Variants in TPTE observed in about 807,000 individuals in gnomAD.
TPTE encodes putative tyrosine-protein phosphatase TPTE.
Under a neutral mutation model 84.1 loss-of-function variants are expected in TPTE, and 59 were observed. That is an observed-to-expected ratio of 0.70 (90% CI 0.57 to 0.87). The LOEUF is 0.87. TPTE is among the 40% of genes least tolerant of loss of function. The pLI is 0.00. For missense variants in TPTE, 382 were observed against 659.6 expected (o/e 0.58, Z 4.61); for synonymous variants, 130 against 223.5 (o/e 0.58, Z 3.73).
chr21:10,579,006 T>C (rs1269915083), intron 17 of TPTE, among the ~76,000 whole-genome samples: 1 of 152,310 alleles, frequency 6.6e-6, no homozygotes, highest in Non-Finnish European at 1.5e-5. Context: ...CCAATATATT[T>C]ATGGTGTACA....
At chr21:10,532,915 C>T (rs533552685) in intron 3 of TPTE, among the ~76,000 whole-genome samples, 209 of 152,298 alleles carry the variant, frequency 1.4e-3, no homozygotes, top group African/African-American at 4.9e-3. Context: ...CTTGTGCCCT[C>T]ATAGGTCTTT....
intron 10 of TPTE, among the ~76,000 whole-genome samples, chr21:10,564,189 G>A (rs1249493849): frequency 2.0e-5 from 3 of 152,300 alleles, no homozygotes; most frequent in African/African-American, 7.2e-5. Context: ...TTGCTCTGTT[G>A]CCTACAGGAA....
intron 7 of TPTE, among the ~76,000 whole-genome samples, chr21:10,547,019 CTTTTATA>C (rs1477123010): frequency 6.6e-6 from 1 of 152,312 alleles, no homozygotes; most frequent in African/African-American, 2.4e-5. Flanking sequence ...CCATCTAGGA[CTTTTATA>C]TTTAGAGAGG....
intron 1 of TPTE, among the ~76,000 whole-genome samples, chr21:10,523,885 C>A (rs1365083559): frequency 5.9e-5 from 9 of 152,294 alleles, no homozygotes; most frequent in East Asian, 1.9e-4. Context: ...TGACTTCCAC[C>A]ATGGTTGAAC....
intron 17 of TPTE, among the ~76,000 whole-genome samples, chr21:10,586,641 C>T (rs1189934879): frequency 1.3e-5 from 2 of 152,420 alleles, no homozygotes; most frequent in South Asian, 2.1e-4. Flanking sequence ...ATAATTCTTT[C>T]CTTCTCACCG....
rs769170646 is a variant in TPTE, at chr21:10,541,099, A to G, written c.12-13A>G. The G allele has an allele frequency of 3.7e-6, 6 of 1,612,806 alleles. No individual in the cohort carries two copies. Among genetic ancestry groups the G allele is most frequent in the Non-Finnish European group, 8.5e-7 (1 of 1,179,034 alleles). ...ACGCATTGGGTCTGACTCTGACCAT[A>G]TTTGTCCTTTAGTCCTGATCCGACT... On this transcript the variant is annotated splice_polypyrimidine_tract_variant and intron_variant, in intron 4 of 23. Transcript: ENST00000618007.
At position 10,605,635 on chromosome 21, in the gene TPTE, A is replaced by C. The variant is rs1979220294; in HGVS notation, c.*83A>C. The C allele has an allele frequency of 6.3e-7, 1 of 1,595,564 alleles. No individual in the cohort carries two copies. The highest frequency in any genetic ancestry group is 8.5e-7 in the Non-Finnish European group (1 of 1,174,038). ...TGTTCATATATCCTAAATCTATCCTAAATGTTCCTTGAAGTATTTATTTAT... is the reference window on the plus strand; with the variant it reads ...TGTTCATATATCCTAAATCTATCCTCAATGTTCCTTGAAGTATTTATTTAT... On this transcript the variant is annotated 3_prime_UTR_variant, in exon 24 of 24. Transcript: ENST00000618007.
At chr21:10,536,253 C>T (rs1277735751) in intron 3 of TPTE, among the ~76,000 whole-genome samples, 9 of 152,302 alleles carry the variant, frequency 5.9e-5, no homozygotes, top group South Asian at 4.1e-4. Context: ...ACTCCAGCCT[C>T]GGTGAGAGTG....
At chr21:10,551,201 T>C (rs145917295) in intron 7 of TPTE, among the ~76,000 whole-genome samples, 42 of 150,508 alleles carry the variant, frequency 2.8e-4, no homozygotes, top group Non-Finnish European at 4.6e-4. Flanking sequence ...ACACCAAACA[T>C]CACATGTTCT....
chr21:10,566,433 G>A (rs1332959424), intron 10 of TPTE, among the ~76,000 whole-genome samples: 4 of 152,310 alleles, frequency 2.6e-5, no homozygotes, highest in Non-Finnish European at 5.9e-5. Context: ...AGAACCAATT[G>A]GAGAACAGTT....
intron 15 of TPTE, among the ~76,000 whole-genome samples, chr21:10,577,964 GTC>G (rs1337787117): frequency 6.6e-6 from 1 of 152,296 alleles, no homozygotes; most frequent in Admixed American, 6.5e-5. Flanking sequence ...TTAATACCCT[GTC>G]TCTCTTGATT....
At chr21:10,544,364 T>C (rs1279339308) in intron 7 of TPTE, among the ~76,000 whole-genome samples, 1 of 152,308 alleles carries the variant, frequency 6.6e-6, no homozygotes, top group Non-Finnish European at 1.5e-5. Flanking sequence ...GTTGGAGGCA[T>C]GGGCGAATTA....
At chr21:10,562,273 A>G (rs1427021824) in intron 10 of TPTE, among the ~76,000 whole-genome samples, 2 of 152,308 alleles carry the variant, frequency 1.3e-5, no homozygotes, top group Non-Finnish European at 2.9e-5. Flanking sequence ...GATGGGTACA[A>G]ACAAGCCCTG....
At chr21:10,524,177 A>T (rs1312069233) in intron 1 of TPTE, among the ~76,000 whole-genome samples, 3 of 152,310 alleles carry the variant, frequency 2.0e-5, no homozygotes, top group Non-Finnish European at 4.4e-5. Flanking sequence ...TGAGCAAGGG[A>T]GTCCCATCCC....
intron 21 of TPTE, among the ~76,000 whole-genome samples, chr21:10,598,886 C>T (rs1316380882): frequency 1.3e-5 from 2 of 152,304 alleles, no homozygotes; most frequent in Admixed American, 1.3e-4. Context: ...GCTTTTTTGG[C>T]CTCTCCCGAC....
chr21:10,604,307 T>A (rs1426376070), intron 23 of TPTE, among the ~76,000 whole-genome samples: 1 of 152,310 alleles, frequency 6.6e-6, no homozygotes, highest in African/African-American at 2.4e-5. Flanking sequence ...AGCATTTGTT[T>A]TGTGATGGTG....
intron 7 of TPTE, among the ~76,000 whole-genome samples, chr21:10,546,051 GCC>G (rs2145631136): frequency 6.6e-6 from 1 of 152,406 alleles, no homozygotes; most frequent in South Asian, 2.1e-4. Context: ...TTATTTTATT[GCC>G]CCTCAGATAT....
intron 8 of TPTE, among the ~76,000 whole-genome samples, chr21:10,557,183 G>A (rs1198733218): frequency 1.3e-5 from 2 of 152,310 alleles, no homozygotes; most frequent in African/African-American, 4.8e-5. Context: ...GGTACATGGA[G>A]GCTATGCTTC....
chr21:10,538,876 A>G lies in TPTE; in HGVS notation c.11+142A>G, dbSNP rs2074316247. 9.5e-6 allele frequency: 15 copies of G among 1,574,704 alleles called. No homozygotes were observed. The South Asian group carries it at 1.3e-4, about 14-fold the overall frequency. On this transcript the variant is annotated intron_variant, in intron 4 of 23. Coordinates refer to ENST00000618007, the MANE Select transcript of TPTE (RefSeq NM_199261.4). ...CACACTTCTCTCAAACACATCCACT[A>G]ACAAATCCATGCATACAGTGGAAAC... is the stretch of plus-strand genomic sequence containing the variant.
Sources: gnomAD v4.1 joint callset for allele counts (sites outside exome capture counted in the v4.1 genomes callset) on GRCh38, gnomAD v4.1.1 for gene constraint, MANE v1.5 for transcripts, NCBI Gene and HGNC (gene_info 2026-07-23, HGNC 2026-07-21) for gene names.